The following C12orf60 variants were observed in gnomAD, a reference collection of about 807,000 sequenced individuals.
The protein encoded by C12orf60 is uncharacterized protein C12orf60.
For missense variants in C12orf60, 284 were observed against 283.2 expected, an observed-to-expected ratio of 1.00 and a Z score of -0.02; for synonymous variants, 102 against 94.6, an observed-to-expected ratio of 1.08 and a Z score of -0.45.
rs1950330198 is a variant in C12orf60 at position 14,823,056 on chromosome 12, A to G, written c.121A>G (p.Met41Val). 2.5e-6 allele frequency: 4 copies of G among 1,614,186 alleles called. No homozygotes were observed. The highest frequency in any genetic ancestry group is 3.4e-6 in the Non-Finnish European group (4 of 1,180,008). The stretch of plus-strand genomic sequence containing the variant: ...ACTGACTGAATTGTTTAGCCGCAGT[A>G]TGAATACTCAAATCCTTTTGATGGC... ...NTLTELFSRS[M>V]NTQILLMAVK... The change falls in exon 2 of 2, where the codon ATG becomes GTG. Residue 41 changes from methionine to valine, a missense_variant. Coordinates refer to ENST00000330828, the MANE Select transcript of C12orf60 (RefSeq NM_175874.4).
intron 1 of C12orf60, among the ~76,000 whole-genome samples, chr12:14,810,225 C>T (rs1950115828): frequency 6.6e-6 from 1 of 152,122 alleles, no homozygotes; most frequent in Non-Finnish European, 1.5e-5. Context: ...TGCCACCATA[C>T]CTGCTTAGGT....
intron 1 of C12orf60, chr12:14,806,210 A>G (rs1950046587): frequency 6.2e-7 from 1 of 1,614,030 alleles, no homozygotes; most frequent in African/African-American, 1.3e-5. Context: ...CAAGGAGAGA[A>G]GCACCAATTT....
chr12:14,806,671 T>G, intron 1 of C12orf60: 1 of 1,580,076 alleles, frequency 6.3e-7, no homozygotes, highest in Non-Finnish European at 8.6e-7. Context: ...AGGAAGTCAC[T>G]TTGGGCCATA....
chr12:14,809,094 CAGTT>C (rs1950098356), intron 1 of C12orf60, among the ~76,000 whole-genome samples: 1 of 152,126 alleles, frequency 6.6e-6, no homozygotes, highest in East Asian at 1.9e-4. Context: ...CCTTTTCAGA[CAGTT>C]AGGTGAGAGG....
At chr12:14,811,169 C>T (rs1230918170) in intron 1 of C12orf60, among the ~76,000 whole-genome samples, 3 of 152,140 alleles carry the variant, frequency 2.0e-5, no homozygotes, top group Admixed American at 1.3e-4. Flanking sequence ...TGAAAAGTTC[C>T]ACTTGGGGAA....
At chr12:14,807,992 C>T (rs1950079750) in intron 1 of C12orf60, among the ~76,000 whole-genome samples, 1 of 152,002 alleles carries the variant, frequency 6.6e-6, no homozygotes, top group Admixed American at 6.6e-5. Flanking sequence ...ACAGCGAAAC[C>T]CCATCTCTAC....
intron 1 of C12orf60, among the ~76,000 whole-genome samples, chr12:14,810,995 T>C (rs1950127303): frequency 1.3e-5 from 2 of 152,224 alleles, no homozygotes; most frequent in South Asian, 4.1e-4. Flanking sequence ...GCCATATACT[T>C]TCTCCATCTT....
At chr12:14,806,584 A>T (rs969450833) in intron 1 of C12orf60, 1 of 1,614,174 alleles carries the variant, frequency 6.2e-7, no homozygotes. Context: ...GTGACATCGA[A>T]GCTGTCAGAT....
intron 1 of C12orf60, chr12:14,806,794 A>C: frequency 2.8e-6 from 3 of 1,083,358 alleles, no homozygotes; most frequent in Non-Finnish European, 4.0e-6. Context: ...TGCATAGCAA[A>C]GAAGCAAGAT....
At chr12:14,822,422 T>C (rs570370176) in intron 1 of C12orf60, among the ~76,000 whole-genome samples, 71 of 152,258 alleles carry the variant, frequency 4.7e-4, no homozygotes, top group Admixed American at 9.8e-4. Context: ...TACTCCCTAC[T>C]TCCTTGGCCT....
At position 14,823,226 on chromosome 12, in the gene C12orf60, G is replaced by A. The variant is rs534367604; in HGVS notation, c.291G>A (p.Val97=). The change falls in exon 2 of 2, where the codon GTG becomes GTA. Residue 97 remains valine, a synonymous_variant. Transcript: ENST00000330828. ...AGGTTGCAATGGCCATGTGCTCTGT[G>A]GTTCAGAAGAGTACCAATGTAGAGG... The part of the protein sequence containing the change: ...CSKVAMAMCS[V]VQKSTNVEEL... 1.2e-6 allele frequency: 2 copies of A among 1,614,074 alleles called. No homozygotes were observed. The highest frequency in any genetic ancestry group is 4.5e-5 in the East Asian group (2 of 44,868).
chr12:14,807,231 A>G (rs1346261281), intron 1 of C12orf60, among the ~76,000 whole-genome samples: 1 of 152,212 alleles, frequency 6.6e-6, no homozygotes, highest in African/African-American at 2.4e-5. Flanking sequence ...AAATTAAGTT[A>G]TTAGATTTTG....
At chr12:14,819,172 A>C (rs1377065085) in intron 1 of C12orf60, among the ~76,000 whole-genome samples, 4 of 152,110 alleles carry the variant, frequency 2.6e-5, no homozygotes, top group Admixed American at 6.5e-5. Context: ...GACAGAGTTT[A>C]TCTCTCCATT....
intron 1 of C12orf60, among the ~76,000 whole-genome samples, chr12:14,819,124 A>G (rs1950268446): frequency 1.3e-5 from 2 of 152,168 alleles, no homozygotes; most frequent in South Asian, 2.1e-4. Context: ...ACAGAGTTTG[A>G]GTTGACATCT....
Position 14,823,326 on chromosome 12 carries a change from A to G in C12orf60, c.391A>G (p.Asn131Asp). ...PVIISVLNSSNILGSLESSLS... is the reference protein window; with the variant it reads ...PVIISVLNSSDILGSLESSLS... The stretch of plus-strand genomic sequence containing the variant: ...CATCATCTCTGTGCTAAACAGCAGT[A>G]ACATCCTTGGGAGTCTGGAATCTTC... Residue 131 changes from asparagine to aspartate, a missense_variant, in exon 2 of 2, where the codon AAC (asparagine) becomes GAC (aspartate). Asn to Asp is a conservative substitution (Grantham distance 23). Coordinates refer to ENST00000330828, the MANE Select transcript of C12orf60 (RefSeq NM_175874.4). 6.2e-7 allele frequency: 1 copy of G among 1,614,160 alleles called. No individual in the cohort carries two copies. The highest frequency in any genetic ancestry group is 8.5e-7 in the Non-Finnish European group (1 of 1,180,020).
At position 14,823,875 on chromosome 12, in the gene C12orf60, A is replaced by C; in HGVS notation, c.*202A>C. 2.4e-6 allele frequency: 1 copy of C among 415,772 alleles called. No homozygotes were observed. The highest frequency in any genetic ancestry group is 4.3e-6 in the Non-Finnish European group (1 of 232,720). 25.8% of individuals were successfully genotyped at this position (415,772 alleles called of 1,614,324 possible). On this transcript the variant is annotated 3_prime_UTR_variant, in exon 2 of 2. Coordinates refer to ENST00000330828, the MANE Select transcript of C12orf60 (RefSeq NM_175874.4). ...ATTAAGAAAGCCTGTTTGAAATGTC[A>C]GTCACTAAGAAGAATATATTGTTGA...
intron 1 of C12orf60, among the ~76,000 whole-genome samples, chr12:14,819,743 A>T (rs1950276476): frequency 6.6e-6 from 1 of 152,110 alleles, no homozygotes. Flanking sequence ...CCTTTTCTGC[A>T]TCTACTGATA....
At chr12:14,815,263 C>T (rs1247041904) in intron 1 of C12orf60, among the ~76,000 whole-genome samples, 1 of 152,128 alleles carries the variant, frequency 6.6e-6, no homozygotes, top group Admixed American at 6.5e-5. Context: ...GATCATCTTG[C>T]CCTTGATGTA....
intron 1 of C12orf60, among the ~76,000 whole-genome samples, chr12:14,818,787 A>T (rs547682021): frequency 2.6e-4 from 40 of 152,282 alleles, no homozygotes; most frequent in Admixed American, 2.6e-4. Context: ...GTCTCAAAAC[A>T]ACAACAACAA....
Sources: gnomAD v4.1 joint callset for allele counts (sites outside exome capture counted in the v4.1 genomes callset) on GRCh38, gnomAD v4.1.1 for gene constraint, MANE v1.5 for transcripts, NCBI Gene and HGNC (gene_info 2026-07-23, HGNC 2026-07-21) for gene names.